Variants in RSRC1 observed in about 807,000 individuals in gnomAD.
The protein encoded by RSRC1 is serine/Arginine-related protein 53.
A neutral mutation model predicts 49.1 loss-of-function variants in RSRC1; 39 were observed. The observed-to-expected ratio is 0.79, with a 90% CI of 0.61 to 1.04. The LOEUF (loss-of-function observed/expected upper bound fraction) is 1.04, where lower values mean the gene tolerates loss of function less well. Ranked by LOEUF, RSRC1 falls within the 50% of genes least tolerant of loss-of-function variation. The pLI is 0.00. For missense variants in RSRC1, 388 were observed against 402.4 expected (o/e 0.96, Z 0.31); for synonymous variants, 143 against 130.8 (o/e 1.09, Z -0.63).
chr3:158,222,404 G>A (rs1722272360), intron 4 of RSRC1, among the ~76,000 whole-genome samples: 1 of 151,426 alleles, frequency 6.6e-6, no homozygotes, highest in African/African-American at 2.4e-5. Flanking sequence ...TAGATATTAG[G>A]TGTTTTTACC....
chr3:158,504,845 G>A (rs1739781022), intron 7 of RSRC1, among the ~76,000 whole-genome samples: 1 of 152,216 alleles, frequency 6.6e-6, no homozygotes, highest in Non-Finnish European at 1.5e-5. Flanking sequence ...AAGTCTATGA[G>A]AGGAAAGAGA....
intron 3 of RSRC1, 111 bp downstream of exon 3, chr3:158,124,102 C>G (rs565149740): frequency 1.3e-6 from 1 of 779,494 alleles, no homozygotes; most frequent in South Asian, 2.6e-5. Flanking sequence ...TTGAGCTTAG[C>G]TGGCACTTAT....
intron 3 of RSRC1, among the ~76,000 whole-genome samples, chr3:158,137,637 A>G (rs1419145449): frequency 1.3e-5 from 2 of 148,604 alleles, no homozygotes; most frequent in African/African-American, 4.9e-5. Flanking sequence ...GTGACAAAAT[A>G]GGTGACTTTT....
intron 3 of RSRC1, among the ~76,000 whole-genome samples, chr3:158,178,219 A>G (rs1007564437): frequency 4.6e-5 from 7 of 152,072 alleles, no homozygotes; most frequent in African/African-American, 1.4e-4. Context: ...GCTCACTGCA[A>G]CTTGCACCTC....
At chr3:158,323,222 T>A (rs545458263) in intron 5 of RSRC1, among the ~76,000 whole-genome samples, 10 of 152,324 alleles carry the variant, frequency 6.6e-5, no homozygotes, top group African/African-American at 2.2e-4. Context: ...TCTGCAGTGT[T>A]TATCTGCTGA....
intron 6 of RSRC1, among the ~76,000 whole-genome samples, chr3:158,443,863 G>A (rs1351835821): frequency 1.3e-5 from 2 of 152,126 alleles, no homozygotes; most frequent in Admixed American, 6.6e-5. Context: ...CTATTGTAGG[G>A]TTGCTGATGG....
chr3:158,302,073 C>G (rs1727584086), intron 5 of RSRC1, among the ~76,000 whole-genome samples: 1 of 140,452 alleles, frequency 7.1e-6, no homozygotes, highest in African/African-American at 2.7e-5. Flanking sequence ...TTTTGCTTAA[C>G]ATTATATCCT....
chr3:158,154,896 C>T (rs1180274516), intron 3 of RSRC1, among the ~76,000 whole-genome samples: 2 of 152,190 alleles, frequency 1.3e-5, no homozygotes, highest in Non-Finnish European at 2.9e-5. Flanking sequence ...TGGATTCTAT[C>T]TCAAGAAACC....
intron 6 of RSRC1, among the ~76,000 whole-genome samples, chr3:158,415,517 AT>A (rs1400099232): frequency 6.6e-6 from 1 of 151,872 alleles, no homozygotes; most frequent in Non-Finnish European, 1.5e-5. Context: ...TCGGTGCTTC[AT>A]TTTCCTCAGT....
chr3:158,310,567 A>C (rs13323462), intron 5 of RSRC1, among the ~76,000 whole-genome samples: 2,620 of 151,916 alleles, frequency 0.017, 67 homozygotes, highest in African/African-American at 0.061. Flanking sequence ...CTAACTGTAA[A>C]TAACAAATGT....
intron 6 of RSRC1, among the ~76,000 whole-genome samples, chr3:158,394,428 A>T (rs961154114): frequency 1.3e-5 from 2 of 151,306 alleles, no homozygotes; most frequent in Non-Finnish European, 3.0e-5. Context: ...CAAAACTCCT[A>T]TATTTTGTAT....
chr3:158,155,598 CTT>C (rs34972266), intron 3 of RSRC1, among the ~76,000 whole-genome samples: 2 of 133,950 alleles, frequency 1.5e-5, no homozygotes, highest in Admixed American at 7.6e-5. Context: ...AGCCTAGCTA[CTT>C]TTTTTTTTTT....
chr3:158,332,477 CA>C (rs1270113870), intron 5 of RSRC1, among the ~76,000 whole-genome samples: 4 of 152,074 alleles, frequency 2.6e-5, no homozygotes, highest in African/African-American at 9.7e-5. Flanking sequence ...GAGTAGGTGT[CA>C]AAAGTTAGAT....
intron 6 of RSRC1, among the ~76,000 whole-genome samples, chr3:158,449,376 G>A (rs894938199): frequency 6.6e-6 from 1 of 151,892 alleles, no homozygotes; most frequent in African/African-American, 2.4e-5. Flanking sequence ...TTATGTTACA[G>A]GAGAAGAATA....
intron 3 of RSRC1, among the ~76,000 whole-genome samples, chr3:158,197,214 C>A (rs1370434162): frequency 6.6e-6 from 1 of 152,096 alleles, no homozygotes; most frequent in African/African-American, 2.4e-5. Context: ...TCAACTTCTT[C>A]CTGGTTTAGT....
At chr3:158,276,899 A>G (rs1244142487) in intron 4 of RSRC1, among the ~76,000 whole-genome samples, 1 of 152,172 alleles carries the variant, frequency 6.6e-6, no homozygotes, top group Admixed American at 6.5e-5. Context: ...CTGGCTTCCT[A>G]TCCCCCCATT....
chr3:158,358,411 C>G (rs1731274355), intron 6 of RSRC1, among the ~76,000 whole-genome samples: 1 of 152,148 alleles, frequency 6.6e-6, no homozygotes, highest in African/African-American at 2.4e-5. Flanking sequence ...CCATTACCTC[C>G]TAATTGGCTT....
At chr3:158,307,307 T>C (rs1727889693) in intron 5 of RSRC1, among the ~76,000 whole-genome samples, 1 of 148,676 alleles carries the variant, frequency 6.7e-6, no homozygotes, top group Non-Finnish European at 1.5e-5. Context: ...TGTTCCTATA[T>C]AAAGTAAAGG....
At position 158,514,304 on chromosome 3, in the gene RSRC1, G is replaced by A. The variant is rs530503329; in HGVS notation, c.653-22788G>A. ...CTGCTTTGAATGTGTCCCAAAGATT[G>A]TGGTATGTTGTGTCTTTCTTCTCGT... On this transcript the variant is annotated intron_variant, in intron 7 of 9. Transcript: ENST00000611884. Among the ~76,000 whole-genome samples the A allele has an allele frequency of 2.6e-4, 39 of 152,218 alleles. No individual in the cohort carries two copies. The South Asian group carries it at 3.1e-3, about 12-fold the overall frequency.
Sources: gnomAD v4.1 joint callset for allele counts (sites outside exome capture counted in the v4.1 genomes callset) on GRCh38, gnomAD v4.1.1 for gene constraint, MANE v1.5 for transcripts, NCBI Gene and HGNC (gene_info 2026-07-23, HGNC 2026-07-21) for gene names.